DOK5: variants seen among roughly 807,000 people sequenced by gnomAD.
DOK5 encodes the protein downstream of tyrosine kinase 5.
DOK5 carries 27 observed loss-of-function variants against 43.3 expected under a neutral mutation model. The observed-to-expected ratio is 0.62, with a 90% CI of 0.46 to 0.86. The LOEUF (loss-of-function observed/expected upper bound fraction) is 0.86, where lower values mean the gene tolerates loss of function less well. Among genes scored for constraint, DOK5 ranks in the 40% least tolerant of loss-of-function variants. The pLI is 0.00. For synonymous variants in DOK5, 146 were observed against 140.1 expected (o/e 1.04, Z -0.30); for missense variants, 373 against 392.9 (o/e 0.95, Z 0.43).
intron 6 of DOK5, among the ~76,000 whole-genome samples, chr20:54,642,237 C>T: frequency 6.6e-6 from 1 of 152,132 alleles, no homozygotes; most frequent in South Asian, 2.1e-4. Context: ...TGACTGCTCT[C>T]TGATAATCTG....
intron 1 of DOK5, among the ~76,000 whole-genome samples, chr20:54,540,805 T>A (rs558298815): frequency 6.6e-6 from 1 of 152,290 alleles, no homozygotes; most frequent in South Asian, 2.1e-4. Context: ...ATTACAGATG[T>A]GAGCCACCGT....
chr20:54,542,273 G>A (rs1251752531), intron 1 of DOK5, among the ~76,000 whole-genome samples: 1 of 152,128 alleles, frequency 6.6e-6, no homozygotes, highest in Non-Finnish European at 1.5e-5. Flanking sequence ...ATAAATATTT[G>A]TTGAATGAAT....
chr20:54,567,531 C>T (rs1371838733), intron 2 of DOK5, among the ~76,000 whole-genome samples: 1 of 152,002 alleles, frequency 6.6e-6, no homozygotes. Flanking sequence ...TATTCTTTTC[C>T]ATTGATCTGT....
chr20:54,640,405 G>C (rs891182366), intron 6 of DOK5, among the ~76,000 whole-genome samples: 2 of 152,186 alleles, frequency 1.3e-5, no homozygotes, highest in African/African-American at 4.8e-5. Flanking sequence ...GAGGGACTCA[G>C]GGCGTCACAG....
intron 1 of DOK5, among the ~76,000 whole-genome samples, chr20:54,544,950 C>T (rs1230608407): frequency 1.3e-5 from 2 of 152,142 alleles, no homozygotes; most frequent in Non-Finnish European, 2.9e-5. Context: ...TTCTTTATGC[C>T]TACATCTTAG....
At chr20:54,584,380 AT>A (rs1985735091) in intron 2 of DOK5, among the ~76,000 whole-genome samples, 1 of 151,520 alleles carries the variant, frequency 6.6e-6, no homozygotes, top group African/African-American at 2.4e-5. Flanking sequence ...TATATAACAC[AT>A]TTTATAGTTA....
At chr20:54,604,288 G>A (rs1452652575) in intron 5 of DOK5, among the ~76,000 whole-genome samples, 1 of 151,134 alleles carries the variant, frequency 6.6e-6, no homozygotes, top group Non-Finnish European at 1.5e-5. Flanking sequence ...ACAGACAAAA[G>A]TAAACATTCT....
At chr20:54,626,081 CCAGA>C (rs1987120446) in intron 6 of DOK5, among the ~76,000 whole-genome samples, 1 of 152,118 alleles carries the variant, frequency 6.6e-6, no homozygotes, top group South Asian at 2.1e-4. Context: ...AGCTGTCTGA[CCAGA>C]CACTCTAAAA....
chr20:54,624,139 A>C (rs2049224595), intron 6 of DOK5, among the ~76,000 whole-genome samples: 1 of 152,218 alleles, frequency 6.6e-6, no homozygotes, highest in Non-Finnish European at 1.5e-5. Flanking sequence ...AGAAATACGC[A>C]CAGTCAGTTA....
chr20:54,549,917 C>T (rs929123257), intron 1 of DOK5, among the ~76,000 whole-genome samples: 1 of 152,086 alleles, frequency 6.6e-6, no homozygotes, highest in African/African-American at 2.4e-5. Flanking sequence ...TTTGAAGAAG[C>T]AGAGTGACGT....
Position 54,593,549 on chromosome 20 carries a change from C to T in DOK5, c.599+1744C>T, listed in dbSNP as rs78157274. Among the ~76,000 whole-genome samples, 489 of 152,194 alleles carry T rather than the reference C, an allele frequency of 3.2e-3. 1 individual carries two copies. The highest frequency in any genetic ancestry group is 0.011 in the African/African-American group (465 of 41,546). On this transcript the variant is annotated intron_variant, in intron 5 of 7. Transcript: ENST00000262593. Reference sequence around the variant, plus strand: ...TTCTTCTTATAAGAAAATCCCAGGCCAGGACGGTGGCTTATGCCTGTAATC... The same window carrying T: ...TTCTTCTTATAAGAAAATCCCAGGCTAGGACGGTGGCTTATGCCTGTAATC...
chr20:54,643,650 C>T, intron 7 of DOK5, 72 bp downstream of exon 7: 1 of 1,525,318 alleles, frequency 6.6e-7, no homozygotes, highest in Non-Finnish European at 8.8e-7. Flanking sequence ...CTCAGCTCAA[C>T]TCGCAGCTGC....
Position 54,591,710 on chromosome 20 carries a change from C to T in DOK5, c.504C>T (p.Asp168=), listed in dbSNP as rs376531309. 3.1e-6 allele frequency: 5 copies of T among 1,614,032 alleles called. No individual in the cohort carries two copies. Among genetic ancestry groups the T allele is most frequent in the Non-Finnish European group, 3.4e-6 (4 of 1,180,018 alleles). Residue 168 remains aspartate (D), a synonymous_variant, in exon 5 of 8, where the codon GAC becomes GAT. Coordinates refer to ENST00000262593, the MANE Select transcript of DOK5 (RefSeq NM_018431.5). ...CATATGAGTATATCTGTCTTTGGGA[C>T]GTCCAGAATCCCAGAGTCAAACTCA... ...QITYEYICLW[D]VQNPRVKLIS...
intron 1 of DOK5, among the ~76,000 whole-genome samples, chr20:54,529,522 C>G (rs1047715851): frequency 1.4e-5 from 2 of 147,830 alleles, no homozygotes; most frequent in Non-Finnish European, 2.9e-5. Flanking sequence ...CCCCCAACAA[C>G]AAGTTTATAA....
At chr20:54,513,039 C>A (rs1983063847) in intron 1 of DOK5, among the ~76,000 whole-genome samples, 1 of 152,120 alleles carries the variant, frequency 6.6e-6, no homozygotes, top group East Asian at 1.9e-4. Context: ...TGATACCCAG[C>A]TAAAATAACT....
At chr20:54,523,843 TC>T (rs1168545014) in intron 1 of DOK5, among the ~76,000 whole-genome samples, 78 of 152,204 alleles carry the variant, frequency 5.1e-4, no homozygotes, top group African/African-American at 1.9e-3. Flanking sequence ...CCTCAGGTAA[TC>T]CACATGCCTT....
chr20:54,619,059 ATATATATATATATATG>A, intron 6 of DOK5, among the ~76,000 whole-genome samples: 2 of 120,534 alleles, frequency 1.7e-5, no homozygotes, highest in Non-Finnish European at 3.4e-5. Context: ...ATATATATAT[ATATATATATATATATG>A]AAAAATCACT....
chr20:54,586,319 A>G (rs1985801736), intron 2 of DOK5, among the ~76,000 whole-genome samples: 1 of 152,206 alleles, frequency 6.6e-6, no homozygotes, highest in Non-Finnish European at 1.5e-5. Context: ...ATGTTAGTTG[A>G]CACTAAGGCC....
chr20:54,501,466 C>CAAA (rs76224592), intron 1 of DOK5, among the ~76,000 whole-genome samples: 5 of 19,396 alleles, frequency 2.6e-4, no homozygotes, highest in Non-Finnish European at 4.7e-4. Flanking sequence ...GACTCACTCT[C>CAAA]AAAAAAAAAA....
Sources: allele counts gnomAD v4.1 joint callset (sites outside exome capture counted in the v4.1 genomes callset), GRCh38; gene constraint gnomAD v4.1.1; transcripts MANE v1.5; gene names NCBI Gene and HGNC (gene_info 2026-07-23, HGNC 2026-07-21).